The following PPP1R9A variants were observed in gnomAD, a reference collection of about 807,000 sequenced individuals.
PPP1R9A encodes protein phosphatase 1 regulatory subunit 9A.
A neutral mutation model predicts 141.9 loss-of-function variants in PPP1R9A; 59 were observed. The observed-to-expected ratio is 0.42, with a 90% CI of 0.34 to 0.52. PPP1R9A has a LOEUF of 0.52. Among genes scored for constraint, PPP1R9A ranks in the 20% least tolerant of loss-of-function variants. The probability of loss-of-function intolerance (pLI) is 0.10; values close to 1 mark genes in which losing one functional copy is unlikely to be tolerated. For synonymous variants in PPP1R9A, 500 were observed against 569.7 expected (o/e 0.88, Z 1.74); for missense variants, 1,444 against 1,611.9 (o/e 0.90, Z 1.78).
intron 2 of PPP1R9A, among the ~76,000 whole-genome samples, chr7:95,059,083 C>T (rs1326493041): frequency 1.3e-5 from 2 of 152,160 alleles, no homozygotes; most frequent in Non-Finnish European, 2.9e-5. Flanking sequence ...AGCCACCACA[C>T]CCAGACTCAA....
intron 2 of PPP1R9A, among the ~76,000 whole-genome samples, chr7:94,958,262 G>C (rs1318231983): frequency 2.0e-5 from 3 of 150,054 alleles, no homozygotes; most frequent in Non-Finnish European, 4.4e-5. Context: ...GACCTCCCCT[G>C]TTCTGCAGTT....
At chr7:94,982,224 T>C (rs1237839866) in intron 2 of PPP1R9A, among the ~76,000 whole-genome samples, 1 of 152,178 alleles carries the variant, frequency 6.6e-6, no homozygotes, top group Non-Finnish European at 1.5e-5. Context: ...CAGTCTATCA[T>C]TGATGGACAT....
chr7:94,968,485 G>T (rs1270851824), intron 2 of PPP1R9A, among the ~76,000 whole-genome samples: 4 of 152,132 alleles, frequency 2.6e-5, no homozygotes, highest in African/African-American at 7.2e-5. Context: ...TTGGTTTAAA[G>T]TCTGTTTTAT....
At chr7:95,098,070 C>T (rs1335579247) in intron 2 of PPP1R9A, among the ~76,000 whole-genome samples, 1 of 152,178 alleles carries the variant, frequency 6.6e-6, no homozygotes, top group Non-Finnish European at 1.5e-5. Context: ...GTGAGGCCCA[C>T]CCAGATTATT....
intron 4 of PPP1R9A, among the ~76,000 whole-genome samples, chr7:95,152,106 C>T (rs1042971542): frequency 6.6e-6 from 1 of 151,672 alleles, no homozygotes; most frequent in African/African-American, 2.4e-5. Flanking sequence ...TGCGTGCCAC[C>T]ACGTGGGGCT....
intron 7 of PPP1R9A, among the ~76,000 whole-genome samples, chr7:95,220,480 A>G (rs976612477): frequency 2.0e-5 from 3 of 152,076 alleles, no homozygotes; most frequent in African/African-American, 7.2e-5. Context: ...ACAAGAGAAA[A>G]TCCCCAGAAG....
intron 2 of PPP1R9A, among the ~76,000 whole-genome samples, chr7:94,919,532 TC>T (rs1223965687): frequency 1.3e-5 from 2 of 152,156 alleles, no homozygotes; most frequent in African/African-American, 4.8e-5. Context: ...GGAATCCTGT[TC>T]CTTTTCTAAT....
intron 2 of PPP1R9A, among the ~76,000 whole-genome samples, chr7:94,986,648 G>A (rs1212401180): frequency 2.0e-5 from 3 of 152,174 alleles, no homozygotes; most frequent in Non-Finnish European, 2.9e-5. Flanking sequence ...AATGTTTGAG[G>A]TGCTGCATAT....
chr7:95,234,903 ACATG>A (rs1183893898), intron 8 of PPP1R9A, among the ~76,000 whole-genome samples: 7 of 152,296 alleles, frequency 4.6e-5, no homozygotes, highest in Middle Eastern at 3.4e-3. Flanking sequence ...GCAAACAAAA[ACATG>A]AAGTGGGGAA....
intron 7 of PPP1R9A, among the ~76,000 whole-genome samples, chr7:95,224,471 A>C (rs1032745738): frequency 3.3e-5 from 5 of 152,122 alleles, no homozygotes; most frequent in Non-Finnish European, 7.4e-5. Context: ...ATGACCTTCA[A>C]ATTCCTTACT....
At chr7:95,202,616 T>C (rs1341699803) in intron 6 of PPP1R9A, 1 of 908,310 alleles carries the variant, frequency 1.1e-6, no homozygotes. Flanking sequence ...ATCAGCACTA[T>C]TTCATGACAC....
At chr7:95,113,491 A>G (rs908492094) in intron 3 of PPP1R9A, among the ~76,000 whole-genome samples, 1 of 152,248 alleles carries the variant, frequency 6.6e-6, no homozygotes, top group Non-Finnish European at 1.5e-5. Context: ...TAATATTCAA[A>G]GATAAAGTGA....
intron 4 of PPP1R9A, among the ~76,000 whole-genome samples, chr7:95,137,934 C>CTTTT (rs1041692626): frequency 7.4e-6 from 1 of 134,530 alleles, no homozygotes; most frequent in African/African-American, 2.8e-5. Flanking sequence ...TTCTTTTTTT[C>CTTTT]TTTTTTTTTT....
At chr7:95,271,605 T>A (rs549580418) in intron 14 of PPP1R9A, among the ~76,000 whole-genome samples, 11 of 152,240 alleles carry the variant, frequency 7.2e-5, no homozygotes, top group African/African-American at 2.6e-4. Flanking sequence ...GTCCCCATTA[T>A]AAAGGAAGAG....
In PPP1R9A at chr7:95,264,363, C is replaced by T. The variant is rs1272138470; in HGVS notation, c.2666-4187C>T. Among the ~76,000 whole-genome samples the T allele has an allele frequency of 2.6e-5, 4 of 152,176 alleles. No homozygotes were observed. The East Asian group carries it at 7.7e-4, about 29-fold the overall frequency. On this transcript the variant is annotated intron_variant, in intron 12 of 19. Transcript: ENST00000433360. ...CGGAGCAGACCCCATTGTTATGCTG[C>T]TCCATTCCCCTAGTTCCCTCGCTGC...
chr7:95,277,908 T>A (rs991209053), intron 16 of PPP1R9A, among the ~76,000 whole-genome samples: 1 of 152,218 alleles, frequency 6.6e-6, no homozygotes, highest in Non-Finnish European at 1.5e-5. Context: ...TAGATAAGTT[T>A]CCAGTGTAGT....
At position 95,268,650 on chromosome 7, in the gene PPP1R9A, G is replaced by A. The variant is rs778742377; in HGVS notation, c.2766G>A (p.Arg922=). 6.2e-7 allele frequency: 1 copy of A among 1,613,416 alleles called. No homozygotes were observed. The highest frequency in any genetic ancestry group is 1.1e-5 in the South Asian group (1 of 91,058). The part of the protein sequence containing the change: ...SVKNRRQRPS[R]TRLYDSVSST... ...AGAACAGACGCCAGAGACCCTCTAGGACAAGACTGTATGATAGTGTTAGTT... is the reference window on the plus strand; with the variant it reads ...AGAACAGACGCCAGAGACCCTCTAGAACAAGACTGTATGATAGTGTTAGTT... Residue 922 remains arginine, a synonymous_variant, in exon 13 of 20, where the codon AGG becomes AGA. Transcript: ENST00000433360.
intron 2 of PPP1R9A, among the ~76,000 whole-genome samples, chr7:95,057,639 C>A (rs533090539): frequency 6.6e-6 from 1 of 152,006 alleles, no homozygotes; most frequent in South Asian, 2.1e-4. Context: ...CTTGGGAAAC[C>A]ATCCCTCTGT....
chr7:95,184,454 A>T (rs920218903), intron 5 of PPP1R9A, among the ~76,000 whole-genome samples: 1 of 152,014 alleles, frequency 6.6e-6, no homozygotes, highest in Admixed American at 6.6e-5. Context: ...ATTTAAAAAA[A>T]TTATTTCATT....
Sources: gnomAD v4.1 joint callset for allele counts (sites outside exome capture counted in the v4.1 genomes callset) on GRCh38, gnomAD v4.1.1 for gene constraint, MANE v1.5 for transcripts, NCBI Gene and HGNC (gene_info 2026-07-23, HGNC 2026-07-21) for gene names.